TNRC6C: variants seen among roughly 807,000 people sequenced by gnomAD.
TNRC6C encodes the protein trinucleotide repeat-containing gene 6C protein.
A neutral mutation model predicts 153.7 loss-of-function variants in TNRC6C; 20 were observed. The observed-to-expected ratio is 0.13, with a 90% CI of 0.09 to 0.19. TNRC6C has a LOEUF of 0.19. Ranked by LOEUF, TNRC6C falls within the 10% of genes least tolerant of loss-of-function variation. TNRC6C has a pLI of 1.00. For missense variants in TNRC6C, 1,987 were observed against 2,172.0 expected (o/e 0.91, Z 1.69); for synonymous variants, 811 against 841.4 (o/e 0.96, Z 0.63).
chr17:78,059,124 A>T (rs1024262352), intron 3 of TNRC6C, among the ~76,000 whole-genome samples: 18 of 152,254 alleles, frequency 1.2e-4, no homozygotes, highest in African/African-American at 4.1e-4. Context: ...ATTCTTTAGT[A>T]TAAAAACTAC....
At chr17:78,081,455 T>C (rs1436330671) in intron 10 of TNRC6C, among the ~76,000 whole-genome samples, 1 of 151,998 alleles carries the variant, frequency 6.6e-6, no homozygotes, top group Non-Finnish European at 1.5e-5. Context: ...GTAACTATTA[T>C]CAGGCAATAA....
chr17:78,014,100 T>C (rs1567915421), intron 1 of TNRC6C, among the ~76,000 whole-genome samples: 1 of 152,214 alleles, frequency 6.6e-6, no homozygotes, highest in African/African-American at 2.4e-5. Flanking sequence ...AGATTACTGC[T>C]ATTTCCCAAT....
chr17:77,978,908 T>C (rs1008621943), intron 1 of TNRC6C, among the ~76,000 whole-genome samples: 1 of 152,202 alleles, frequency 6.6e-6, no homozygotes, highest in Non-Finnish European at 1.5e-5. Flanking sequence ...TGCTCTTAAA[T>C]GCTTGTCAGA....
intron 1 of TNRC6C, among the ~76,000 whole-genome samples, chr17:78,018,942 C>A (rs1399658703): frequency 6.6e-6 from 1 of 152,024 alleles, no homozygotes; most frequent in East Asian, 1.9e-4. Flanking sequence ...AAGAGGAATT[C>A]TTGGTGGCAG....
chr17:78,017,867 T>C (rs1486313522), intron 1 of TNRC6C, among the ~76,000 whole-genome samples: 2 of 152,204 alleles, frequency 1.3e-5, no homozygotes, highest in Non-Finnish European at 1.5e-5. Context: ...TGCGCACACA[T>C]ACACACAGAC....
chr17:78,058,017 A>G (rs1317764102), intron 3 of TNRC6C, among the ~76,000 whole-genome samples: 1 of 152,196 alleles, frequency 6.6e-6, no homozygotes, highest in Non-Finnish European at 1.5e-5. Flanking sequence ...AAACAACAGT[A>G]TTAGTCCAGA....
At chr17:78,103,245 C>T (rs1407055234) in intron 18 of TNRC6C, among the ~76,000 whole-genome samples, 169 bp from the exon 22 acceptor site, 1 of 152,172 alleles carries the variant, frequency 6.6e-6, no homozygotes, top group African/African-American at 2.4e-5. Context: ...ACACGTTTGG[C>T]CACAGAGATA....
intron 1 of TNRC6C, among the ~76,000 whole-genome samples, chr17:78,028,035 G>A (rs1286148387): frequency 2.0e-5 from 3 of 151,690 alleles, no homozygotes; most frequent in Non-Finnish European, 2.9e-5. Context: ...AGCTGGGACT[G>A]CAGGCGCCCG....
At position 78,073,827 on chromosome 17, in the gene TNRC6C, A is replaced by G. The variant is rs563981212; in HGVS notation, c.2917+733A>G. ...GTGTAACATTTTTCTGACCCTGGAT[A>G]ATGTGACCATAAATTTATTTGGCTT... On this transcript the variant is annotated intron_variant, in intron 7 of 19. Coordinates refer to ENST00000301624, the Ensembl canonical transcript of TNRC6C. 7.9e-5 allele frequency among the ~76,000 whole-genome samples: 12 copies of G among 152,322 alleles called. No homozygotes were observed. The South Asian group carries it at 2.3e-3, about 29-fold the overall frequency.
intron 1 of TNRC6C, among the ~76,000 whole-genome samples, chr17:78,030,388 T>C (rs968483844): frequency 6.6e-6 from 1 of 152,114 alleles, no homozygotes; most frequent in Non-Finnish European, 1.5e-5. Context: ...GGTCTCGAAC[T>C]CTTGACCTCA....
chr17:77,978,782 C>A (rs2071035688), intron 1 of TNRC6C, among the ~76,000 whole-genome samples: 3 of 152,082 alleles, frequency 2.0e-5, no homozygotes. Flanking sequence ...CCCTAAAAAC[C>A]CCAACTTTTT....
At chr17:78,072,807 T>A (rs1322362923) in intron 6 of TNRC6C, among the ~76,000 whole-genome samples, 1 of 152,238 alleles carries the variant, frequency 6.6e-6, no homozygotes, top group Non-Finnish European at 1.5e-5. Flanking sequence ...GCATTTTGTT[T>A]CCAAAGTGTT....
chr17:78,035,966 C>A (rs1039524205), intron 2 of TNRC6C, among the ~76,000 whole-genome samples: 3 of 152,060 alleles, frequency 2.0e-5, no homozygotes, highest in Non-Finnish European at 4.4e-5. Flanking sequence ...ACGGTCACTT[C>A]TACATTAAAA....
intron 4 of TNRC6C, chr17:78,066,275 C>A (rs2072876638): frequency 6.6e-6 from 1 of 150,592 alleles, no homozygotes; most frequent in Non-Finnish European, 1.5e-5. Context: ...GAAGCTTCAT[C>A]TTTTCTTTGG....
chr17:78,071,628 T>C (rs1801262658), intron 6 of TNRC6C, among the ~76,000 whole-genome samples: 1 of 152,232 alleles, frequency 6.6e-6, no homozygotes, highest in Admixed American at 6.5e-5. Flanking sequence ...GCTCAAGCGA[T>C]CTGCCCGCCT....
chr17:77,961,436 G>GT (rs1370256377), intron 1 of TNRC6C, among the ~76,000 whole-genome samples: 4 of 152,182 alleles, frequency 2.6e-5, no homozygotes, highest in African/African-American at 9.7e-5. Context: ...GATTACAGGC[G>GT]TGAGCCACCA....
At chr17:78,103,291 G>A in intron 18 of TNRC6C, 123 bp from the exon 22 acceptor site, 1 of 1,152,254 alleles carries the variant, frequency 8.7e-7, no homozygotes, top group Non-Finnish European at 1.2e-6. Context: ...ATATTATTAG[G>A]CCTTTTAAAG....
At chr17:78,087,507 T>C (rs75331168) in intron 13 of TNRC6C, among the ~76,000 whole-genome samples, 8,105 of 152,110 alleles carry the variant, frequency 0.053, 296 homozygotes, top group Middle Eastern at 0.11. Context: ...TATAAAACCT[T>C]TAAAGGTAGT....
chr17:78,087,516 G>A (rs987565230), intron 13 of TNRC6C, among the ~76,000 whole-genome samples: 1 of 152,068 alleles, frequency 6.6e-6, no homozygotes, highest in Admixed American at 6.6e-5. Flanking sequence ...TTTAAAGGTA[G>A]TACCAGTCAG....
Sources: allele counts gnomAD v4.1 joint callset (sites outside exome capture counted in the v4.1 genomes callset), GRCh38; gene constraint gnomAD v4.1.1; transcripts MANE v1.5; gene names NCBI Gene and HGNC (gene_info 2026-07-23, HGNC 2026-07-21).